GALNT18: variants seen among roughly 807,000 people sequenced by gnomAD.
The protein encoded by GALNT18 is polypeptide N-acetylgalactosaminyltransferase 18, also known as GalNAc-transferase 18.
In GALNT18, 44 loss-of-function variants were observed where a neutral mutation model predicts 69.5. The observed-to-expected ratio is 0.63, with a 90% confidence interval of 0.50 to 0.81. The LOEUF (loss-of-function observed/expected upper bound fraction) is 0.81, where lower values mean the gene tolerates loss of function less well. GALNT18 is among the 40% of genes least tolerant of loss of function. GALNT18 has a pLI of 0.00. For synonymous variants in GALNT18, 364 were observed against 318.2 expected, an observed-to-expected ratio of 1.14 and a Z score of -1.53; for missense variants, 715 against 810.0, an observed-to-expected ratio of 0.88 and a Z score of 1.42.
At chr11:11,342,333 G>A (rs1365575004) in intron 6 of GALNT18, among the ~76,000 whole-genome samples, 1 of 152,212 alleles carries the variant, frequency 6.6e-6, no homozygotes, top group Non-Finnish European at 1.5e-5. Flanking sequence ...CTGAGGGAAA[G>A]TAATCAAGAT....
At chr11:11,375,597 G>C (rs546855655) in intron 5 of GALNT18, among the ~76,000 whole-genome samples, 1 of 152,220 alleles carries the variant, frequency 6.6e-6, no homozygotes, top group Non-Finnish European at 1.5e-5. Context: ...GCTTCTCTGG[G>C]TGGATCCTGG....
Position 11,604,698 on chromosome 11 carries a change from C to T in GALNT18, c.235+16661G>A, listed in dbSNP as rs527354252. ...TCTCAAACTGGCAAAACCCAAAAGGCAAAGAGAAAGGGATAAGGAATTTGG... is the reference window on the plus strand; with the variant it reads ...TCTCAAACTGGCAAAACCCAAAAGGTAAAGAGAAAGGGATAAGGAATTTGG... On this transcript the variant is annotated intron_variant, in intron 1 of 10. Transcript: ENST00000227756. The surrounding 1 kb of genome is among the most constrained non-coding windows in gnomAD (Gnocchi z 5.6). 6.6e-6 allele frequency among the ~76,000 whole-genome samples: 1 copy of T among 152,226 alleles called. No homozygotes were observed. Among genetic ancestry groups the T allele is most frequent in the Non-Finnish European group, 1.5e-5 (1 of 68,004 alleles).
chr11:11,494,004 C>G lies in GALNT18; in HGVS notation c.236-45068G>C, dbSNP rs143420056. On this transcript the variant is annotated intron_variant, in intron 1 of 10. Transcript: ENST00000227756. This position sits in a 1 kb window ranked among gnomAD's most constrained non-coding sequence, Gnocchi z 5.7. ...ATCCGAGGAGCACACATTACCTAAG[C>G]CATCGGTGCCTCTGTTTTCTCATCT... Among the ~76,000 whole-genome samples the G allele has an allele frequency of 4.9e-3, 750 of 152,162 alleles. 8 individuals are homozygous for G. Among genetic ancestry groups the G allele is most frequent in the African/African-American group, 0.017 (719 of 41,444 alleles).
At chr11:11,324,009 C>T (rs1160360109) in intron 9 of GALNT18, among the ~76,000 whole-genome samples, 1 of 152,136 alleles carries the variant, frequency 6.6e-6, no homozygotes, top group East Asian at 1.9e-4. Flanking sequence ...GGATTAGCAT[C>T]CTTATAAGAA....
chr11:11,352,771 T>G, intron 6 of GALNT18: 1 of 1,614,186 alleles, frequency 6.2e-7, no homozygotes, highest in Non-Finnish European at 8.5e-7. Context: ...TCTGTGTTGT[T>G]TACGTGTTCA....
intron 9 of GALNT18, among the ~76,000 whole-genome samples, chr11:11,299,935 C>T (rs1849465447): frequency 6.6e-6 from 1 of 152,214 alleles, no homozygotes; most frequent in Non-Finnish European, 1.5e-5. Context: ...TCTACCAACA[C>T]CTCAATACCT....
At chr11:11,289,203 T>C (rs1849252856) in intron 10 of GALNT18, among the ~76,000 whole-genome samples, 1 of 152,228 alleles carries the variant, frequency 6.6e-6, no homozygotes. Context: ...GGTCACCTGA[T>C]AAATATCGAT....
chr11:11,373,330 T>A (rs1368884870), intron 5 of GALNT18, among the ~76,000 whole-genome samples: 1 of 152,110 alleles, frequency 6.6e-6, no homozygotes, highest in Non-Finnish European at 1.5e-5. Context: ...AGGAATTTTT[T>A]AAAGACATAT....
chr11:11,621,890 CAGAT>C lies in GALNT18; in HGVS notation c.-301_-298del. 1 of 284,868 alleles carries C rather than the reference CAGAT, an allele frequency of 3.5e-6. No individual in the cohort carries two copies. Among genetic ancestry groups the C allele is most frequent in the East Asian group, 7.0e-5 (1 of 14,372 alleles). The allele number at this position is 284,868 out of a possible 1,614,324, so 17.6% of individuals were successfully genotyped here. On this transcript the variant is annotated 5_prime_UTR_variant, in exon 1 of 11. The change abolishes the stop of an existing upstream ORF in the 5' untranslated region. Transcript: ENST00000227756. This position sits in a 1 kb window ranked among gnomAD's most constrained non-coding sequence, Gnocchi z 9.3. ...CACGGGTAGCCGGCAGCCGCGCGTCCAGATGTGTACGTCTGGGAAACTTTGCCAC... is the reference window on the plus strand; with the variant it reads ...CACGGGTAGCCGGCAGCCGCGCGTCCGTGTACGTCTGGGAAACTTTGCCAC...
intron 1 of GALNT18, among the ~76,000 whole-genome samples, chr11:11,525,775 C>T (rs1857507188): frequency 1.3e-5 from 2 of 151,612 alleles, no homozygotes; most frequent in East Asian, 1.9e-4. Flanking sequence ...GCTGGGATTA[C>T]AGGCGCCCGC....
At chr11:11,353,590 C>T (rs995250864) in intron 6 of GALNT18, among the ~76,000 whole-genome samples, 1 of 152,176 alleles carries the variant, frequency 6.6e-6, no homozygotes, top group African/African-American at 2.4e-5. Flanking sequence ...TAATCAGTGG[C>T]TGTTTCTTTC....
intron 7 of GALNT18, among the ~76,000 whole-genome samples, chr11:11,334,788 G>A (rs145172412): frequency 1.7e-3 from 260 of 152,202 alleles, no homozygotes; most frequent in Non-Finnish European, 2.9e-3. Context: ...GCTGGACTCC[G>A]GCTCCTTAAG....
At chr11:11,568,436 G>A (rs1030547578) in intron 1 of GALNT18, among the ~76,000 whole-genome samples, 1 of 152,068 alleles carries the variant, frequency 6.6e-6, no homozygotes, top group Non-Finnish European at 1.5e-5. Flanking sequence ...TATACCCTAG[G>A]CTCCTTAAGA....
rs572413774 is a variant in GALNT18 at position 11,348,045 on chromosome 11, A to G, written c.1093-7041T>C. On this transcript the variant is annotated intron_variant, in intron 6 of 10. Transcript: ENST00000227756. ...TCCAATTTTGTACCCTGGGCATTTCACTCACCTCATTCTATCCTGGCTCTG... is the reference window on the plus strand; with the variant it reads ...TCCAATTTTGTACCCTGGGCATTTCGCTCACCTCATTCTATCCTGGCTCTG... 3.3e-5 allele frequency among the ~76,000 whole-genome samples: 5 copies of G among 151,018 alleles called. No individual in the cohort carries two copies. In the East Asian group the frequency reaches 7.9e-4, roughly 24 times the overall value.
At position 11,487,537 on chromosome 11, in the gene GALNT18, TACTC is replaced by T. The variant is rs1411212204; in HGVS notation, c.236-38605_236-38602del. On this transcript the variant is annotated intron_variant, in intron 1 of 10. Transcript: ENST00000227756. The stretch of plus-strand genomic sequence containing the variant: ...TGTAAGTTTTGAGACCCACTGAAAA[TACTC>T]ATTCATCTGTGCATCCTTTCAGCTG... Among the ~76,000 whole-genome samples the T allele has an allele frequency of 2.0e-5, 3 of 152,294 alleles. No individual in the cohort carries two copies. The East Asian group carries it at 5.8e-4, about 29-fold the overall frequency.
chr11:11,283,221 C>T (rs1849120518), intron 10 of GALNT18, among the ~76,000 whole-genome samples: 1 of 152,236 alleles, frequency 6.6e-6, no homozygotes, highest in African/African-American at 2.4e-5. Flanking sequence ...GTAGCAGGAT[C>T]TCGGCTCAAT....
At chr11:11,568,593 C>G (rs1476737613) in intron 1 of GALNT18, among the ~76,000 whole-genome samples, 1 of 152,032 alleles carries the variant, frequency 6.6e-6, no homozygotes, top group Admixed American at 6.5e-5. Flanking sequence ...CCTGGGGAGG[C>G]TCCACACCAA....
At chr11:11,371,863 G>A (rs889913025) in intron 6 of GALNT18, among the ~76,000 whole-genome samples, 1 of 152,180 alleles carries the variant, frequency 6.6e-6, no homozygotes, top group Non-Finnish European at 1.5e-5. Flanking sequence ...CCTAGGAATT[G>A]TTCCTGTAGG....
intron 3 of GALNT18, among the ~76,000 whole-genome samples, chr11:11,422,765 A>AT (rs1412585225): frequency 6.6e-6 from 1 of 152,006 alleles, no homozygotes; most frequent in Non-Finnish European, 1.5e-5. Context: ...CCAAGGGATA[A>AT]TGGGGGTTCT....
Sources: gnomAD v4.1 joint callset for allele counts (sites outside exome capture counted in the v4.1 genomes callset) on GRCh38, gnomAD v4.1.1 for gene constraint, Gnocchi (gnomAD v3.1) non-coding constraint, MANE v1.5 for transcripts, NCBI Gene and HGNC (gene_info 2026-07-23, HGNC 2026-07-21) for gene names.